STAG1: variants seen among roughly 807,000 people sequenced by gnomAD.
STAG1 encodes cohesin subunit SA-1.
A neutral mutation model predicts 170.9 loss-of-function variants in STAG1; 26 were observed. The ratio of observed to expected loss-of-function variants is 0.15; its 90% CI spans 0.11 to 0.21. The LOEUF is 0.21. Ranked by LOEUF, STAG1 falls within the 10% of genes least tolerant of loss-of-function variation. STAG1 has a pLI of 1.00. For missense variants in STAG1, 964 were observed against 1,509.5 expected (o/e 0.64, Z 5.99); for synonymous variants, 514 against 497.7 (o/e 1.03, Z -0.44).
chr3:136,558,142 A>T (rs183519545), intron 5 of STAG1, among the ~76,000 whole-genome samples: 7 of 152,358 alleles, frequency 4.6e-5, no homozygotes, highest in African/African-American at 1.7e-4. Context: ...CTGTAATCCC[A>T]GCACTTTGAG....
At chr3:136,660,213 T>C (rs1189706546) in intron 1 of STAG1, among the ~76,000 whole-genome samples, 1 of 152,156 alleles carries the variant, frequency 6.6e-6, no homozygotes, top group Admixed American at 6.5e-5. Flanking sequence ...ATAAAACTCT[T>C]TCTCATAGAG....
At chr3:136,363,927 T>A (rs188140882) in intron 25 of STAG1, among the ~76,000 whole-genome samples, 97 of 152,204 alleles carry the variant, frequency 6.4e-4, no homozygotes, top group African/African-American at 1.9e-3. Flanking sequence ...CTAATTTTTT[T>A]AAAAAATATT....
intron 6 of STAG1, among the ~76,000 whole-genome samples, chr3:136,531,167 C>T (rs1165615793): frequency 6.6e-6 from 1 of 151,522 alleles, no homozygotes; most frequent in Admixed American, 6.6e-5. Flanking sequence ...AAATGCTCAT[C>T]ATCACTGGCC....
intron 10 of STAG1, among the ~76,000 whole-genome samples, chr3:136,474,203 G>A (rs528615697): frequency 1.1e-4 from 16 of 152,248 alleles, no homozygotes; most frequent in African/African-American, 3.4e-4. Flanking sequence ...TGGCGTACAG[G>A]ATGTTGATGA....
chr3:136,616,077 G>A (rs1264706312), intron 3 of STAG1, among the ~76,000 whole-genome samples: 1 of 151,940 alleles, frequency 6.6e-6, no homozygotes. Context: ...GACCATCCTG[G>A]TTAACACGGT....
At chr3:136,568,898 A>C (rs1937169723) in intron 4 of STAG1, 37 bp from the exon 5 acceptor site, 4 of 1,477,068 alleles carry the variant, frequency 2.7e-6, no homozygotes, top group Non-Finnish European at 2.8e-6. Flanking sequence ...AACTTCAAAA[A>C]AATTTGATAT....
chr3:136,571,639 A>G (rs1360681632), intron 4 of STAG1, among the ~76,000 whole-genome samples: 5 of 152,168 alleles, frequency 3.3e-5, no homozygotes, highest in African/African-American at 1.2e-4. Flanking sequence ...TGGGAGGCCA[A>G]GGCAGGAGGA....
chr3:136,473,826 A>T (rs1261324660), intron 10 of STAG1, among the ~76,000 whole-genome samples, 189 bp from the exon 11 acceptor site: 1 of 152,144 alleles, frequency 6.6e-6, no homozygotes, highest in Non-Finnish European at 1.5e-5. Context: ...AAATTCACTG[A>T]AAAGACCTTA....
At chr3:136,494,391 A>C (rs1204565841) in intron 9 of STAG1, among the ~76,000 whole-genome samples, 2 of 152,222 alleles carry the variant, frequency 1.3e-5, no homozygotes, top group Non-Finnish European at 2.9e-5. Context: ...TTCTCTGCTG[A>C]AATCTACCAA....
chr3:136,542,197 T>C lies in STAG1; in HGVS notation c.395-2A>G. On this transcript the variant is annotated splice_acceptor_variant, in intron 5 of 33. Coordinates refer to ENST00000383202, the MANE Select transcript of STAG1 (RefSeq NM_005862.3). LOFTEE classifies it high-confidence loss of function. ...GAAACATCTCTATTCTCACAGTACC[T>C]GTGGAACAACAGATTTTACATTAAT... is the stretch of plus-strand genomic sequence containing the variant. 1 of 1,602,750 alleles carries C rather than the reference T, an allele frequency of 6.2e-7. No individual in the cohort carries two copies.
intron 4 of STAG1, among the ~76,000 whole-genome samples, chr3:136,595,676 CAAT>C (rs1273200804): frequency 1.6e-5 from 2 of 127,394 alleles, no homozygotes; most frequent in African/African-American, 6.1e-5. Context: ...GACTCCATCT[CAAT>C]AAATAAATAA....
intron 21 of STAG1, among the ~76,000 whole-genome samples, chr3:136,401,855 C>T (rs1478369949): frequency 6.6e-6 from 1 of 151,992 alleles, no homozygotes; most frequent in African/African-American, 2.4e-5. Context: ...AGCAGTTCTC[C>T]TGCCTCAGCC....
At chr3:136,557,525 A>T (rs907655841) in intron 5 of STAG1, among the ~76,000 whole-genome samples, 2 of 152,080 alleles carry the variant, frequency 1.3e-5, no homozygotes, top group Admixed American at 6.6e-5. Flanking sequence ...GGTGTAAATA[A>T]TTTTTTAATT....
chr3:136,407,322 G>C (rs1423865750), intron 21 of STAG1, among the ~76,000 whole-genome samples: 1 of 152,168 alleles, frequency 6.6e-6, no homozygotes, highest in Non-Finnish European at 1.5e-5. Context: ...ACTGTGCCCA[G>C]CCTCTTTCAT....
At chr3:136,502,121 T>C (rs1010848530) in intron 8 of STAG1, among the ~76,000 whole-genome samples, 4 of 151,790 alleles carry the variant, frequency 2.6e-5, no homozygotes, top group Non-Finnish European at 5.9e-5. Flanking sequence ...GAGGTTGCGG[T>C]GAGTTGAGAT....
chr3:136,587,874 A>C (rs1202595159), intron 4 of STAG1, among the ~76,000 whole-genome samples: 2 of 152,214 alleles, frequency 1.3e-5, no homozygotes, highest in African/African-American at 4.8e-5. Context: ...AGGCAGGAGA[A>C]TAGCTTGAAC....
At chr3:136,441,224 G>T (rs889093325) in intron 15 of STAG1, among the ~76,000 whole-genome samples, 1 of 151,912 alleles carries the variant, frequency 6.6e-6, no homozygotes, top group African/African-American at 2.4e-5. Context: ...GTAGAGACGG[G>T]GTTTTGCCAT....
At chr3:136,717,900 C>G (rs1237666908) in intron 1 of STAG1, among the ~76,000 whole-genome samples, 3 of 152,102 alleles carry the variant, frequency 2.0e-5, no homozygotes, top group Non-Finnish European at 2.9e-5. Context: ...TGTTCTAAAG[C>G]TATTTATTCT....
At chr3:136,700,521 G>T (rs1478390045) in intron 1 of STAG1, among the ~76,000 whole-genome samples, 1 of 151,250 alleles carries the variant, frequency 6.6e-6, no homozygotes, top group African/African-American at 2.4e-5. Flanking sequence ...CCAGATTCAA[G>T]CAATTCTCCT....
Sources: gnomAD v4.1 joint callset for allele counts (sites outside exome capture counted in the v4.1 genomes callset) on GRCh38, gnomAD v4.1.1 for gene constraint, MANE v1.5 for transcripts, NCBI Gene and HGNC (gene_info 2026-07-23, HGNC 2026-07-21) for gene names.